The following DNAJB6 variants were observed in gnomAD, a reference collection of about 807,000 sequenced individuals.
The protein encoded by DNAJB6 is DnaJ heat shock protein family (Hsp40) member B6, also known as dnaJ homolog subfamily B member 6.
A neutral mutation model predicts 42.7 loss-of-function variants in DNAJB6; 16 were observed. That is an observed-to-expected ratio of 0.37 (90% CI 0.25 to 0.57). The LOEUF (loss-of-function observed/expected upper bound fraction) is 0.57. DNAJB6 is among the 20% of genes least tolerant of loss of function. DNAJB6 has a pLI of 0.74. For missense variants in DNAJB6, 347 were observed against 416.8 expected (o/e 0.83, Z 1.46); for synonymous variants, 170 against 163.5 (o/e 1.04, Z -0.30).
At chr7:157,377,136 C>T (rs1356043059) in intron 5 of DNAJB6, among the ~76,000 whole-genome samples, 1 of 152,154 alleles carries the variant, frequency 6.6e-6, no homozygotes, top group African/African-American at 2.4e-5. Context: ...CTTTTCAGAC[C>T]TTTAACATGT....
At chr7:157,415,077 T>C (rs974649934) in intron 9 of DNAJB6, 13 of 152,224 alleles carry the variant, frequency 8.5e-5, no homozygotes, top group African/African-American at 3.1e-4. Context: ...TGTGGGTCTT[T>C]GGAGAGTTCT....
At chr7:157,341,022 T>G (rs1456592851) in intron 1 of DNAJB6, among the ~76,000 whole-genome samples, 1 of 134,910 alleles carries the variant, frequency 7.4e-6, no homozygotes, top group Admixed American at 7.5e-5. Context: ...GGAATCACCC[T>G]GTGTGCCCAG....
At chr7:157,348,960 A>C (rs996002140) in intron 1 of DNAJB6, among the ~76,000 whole-genome samples, 6 of 152,176 alleles carry the variant, frequency 3.9e-5, no homozygotes, top group Non-Finnish European at 8.8e-5. Context: ...TCATTTCGTC[A>C]GTAAAATGTC....
chr7:157,405,833 C>T (rs891466935), intron 8 of DNAJB6, among the ~76,000 whole-genome samples: 3 of 152,254 alleles, frequency 2.0e-5, no homozygotes, highest in Non-Finnish European at 4.4e-5. Context: ...TGCAGCCGGT[C>T]TGTCCATCCT....
chr7:157,353,338 T>G (rs1182655642), intron 1 of DNAJB6, among the ~76,000 whole-genome samples: 1 of 152,124 alleles, frequency 6.6e-6, no homozygotes, highest in African/African-American at 2.4e-5. Context: ...AGTACAGGGA[T>G]TTTCCTGTAT....
chr7:157,373,079 C>T (rs746848576), intron 5 of DNAJB6, among the ~76,000 whole-genome samples: 1 of 152,080 alleles, frequency 6.6e-6, no homozygotes, highest in African/African-American at 2.4e-5. Flanking sequence ...CAAGTTCCCC[C>T]TTTTTATAAG....
At chr7:157,343,666 C>T (rs532698423) in intron 1 of DNAJB6, among the ~76,000 whole-genome samples, 1 of 152,126 alleles carries the variant, frequency 6.6e-6, no homozygotes, top group South Asian at 2.1e-4. Context: ...CCATGCTGTT[C>T]TCAAACTCCT....
At position 157,384,940 on chromosome 7, in the gene DNAJB6, C is replaced by A; in HGVS notation, c.552C>A (p.Gly184=). ...SFSSTSFGGS[G]MGNFKSISTS... is the part of the protein sequence containing the mutation. ...CTTCCACGTCATTTGGTGGTAGTGG[C>A]ATGGGCAACTTCAAATCGATATCAA... The change falls in exon 7 of 10, where the codon GGC becomes GGA. Residue 184 remains glycine (G), a synonymous_variant. Transcript: ENST00000262177. The A allele has an allele frequency of 6.2e-7, 1 of 1,613,952 alleles. No individual in the cohort carries two copies.
At chr7:157,364,344 A>C (rs961687866) in intron 3 of DNAJB6, among the ~76,000 whole-genome samples, 1 of 152,152 alleles carries the variant, frequency 6.6e-6, no homozygotes, top group African/African-American at 2.4e-5. Context: ...AATTCCAAAC[A>C]TTTTACTTCA....
At chr7:157,348,896 G>C (rs1798828064) in intron 1 of DNAJB6, among the ~76,000 whole-genome samples, 1 of 152,148 alleles carries the variant, frequency 6.6e-6, no homozygotes, top group Admixed American at 6.6e-5. Context: ...GCTGTTACTT[G>C]TGTGTGGAAT....
chr7:157,403,343 C>G (rs147241664), intron 8 of DNAJB6, among the ~76,000 whole-genome samples: 5 of 152,252 alleles, frequency 3.3e-5, no homozygotes, highest in African/African-American at 1.2e-4. Context: ...TTTGTCTGCA[C>G]CTGTGAAGAT....
At chr7:157,407,782 C>T (rs181737589) in intron 8 of DNAJB6, among the ~76,000 whole-genome samples, 1 of 152,340 alleles carries the variant, frequency 6.6e-6, no homozygotes, top group East Asian at 1.9e-4. Flanking sequence ...GCACTGTCGC[C>T]ATGTGTCCCG....
At chr7:157,358,937 T>C (rs1413101545) in intron 2 of DNAJB6, among the ~76,000 whole-genome samples, 2 of 152,222 alleles carry the variant, frequency 1.3e-5, no homozygotes, top group Non-Finnish European at 2.9e-5. Context: ...CTTGGCATTC[T>C]TGAGTGCCCC....
At chr7:157,395,747 C>T (rs1354202256) in intron 8 of DNAJB6, among the ~76,000 whole-genome samples, 2 of 133,850 alleles carry the variant, frequency 1.5e-5, no homozygotes, top group Admixed American at 8.2e-5. Flanking sequence ...TACAGTGGGG[C>T]GATCTCGGCT....
intron 4 of DNAJB6, 46 bp downstream of exon 4, chr7:157,366,607 T>G: frequency 6.4e-7 from 1 of 1,553,326 alleles, no homozygotes; most frequent in Non-Finnish European, 8.9e-7. Flanking sequence ...TCTTGGCAAG[T>G]AAGTTGAGTT....
intron 9 of DNAJB6, 123 bp downstream of exon 9, chr7:157,410,124 C>T (rs1795922515): frequency 2.1e-6 from 3 of 1,412,292 alleles, no homozygotes; most frequent in East Asian, 5.4e-5. Flanking sequence ...CGTGGGCGGT[C>T]GGGCGGGGCG....
chr7:157,374,594 G>A (rs1289279595), intron 5 of DNAJB6, among the ~76,000 whole-genome samples: 2 of 152,120 alleles, frequency 1.3e-5, no homozygotes, highest in East Asian at 3.9e-4. Context: ...GGCTAGTGAG[G>A]ATGGGTGCCA....
intron 1 of DNAJB6, among the ~76,000 whole-genome samples, chr7:157,344,266 G>A (rs941112703): frequency 6.6e-6 from 1 of 152,126 alleles, no homozygotes; most frequent in Non-Finnish European, 1.5e-5. Context: ...GCGTGAACGC[G>A]GGAGGCGGAG....
intron 5 of DNAJB6, 39 bp from the exon 6 acceptor site, chr7:157,382,205 GAA>G: frequency 6.5e-7 from 1 of 1,527,246 alleles, no homozygotes; most frequent in Non-Finnish European, 8.8e-7. Context: ...AAAAAAACTT[GAA>G]AAAAAGACTT....
Sources: allele counts gnomAD v4.1 joint callset (sites outside exome capture counted in the v4.1 genomes callset), GRCh38; gene constraint gnomAD v4.1.1; transcripts MANE v1.5; gene names NCBI Gene and HGNC (gene_info 2026-07-23, HGNC 2026-07-21).